The following AHCTF1 variants were observed in gnomAD, a reference collection of about 807,000 sequenced individuals.
The protein encoded by AHCTF1 is protein ELYS.
Under a neutral mutation model 248.4 loss-of-function variants are expected in AHCTF1, and 24 were observed. The observed-to-expected ratio is 0.10, with a 90% CI of 0.07 to 0.14. The LOEUF (loss-of-function observed/expected upper bound fraction) is 0.14, where lower values mean the gene tolerates loss of function less well. Ranked by LOEUF, AHCTF1 falls within the 10% of genes least tolerant of loss-of-function variation. The pLI is 1.00. For missense variants in AHCTF1, 2,206 were observed against 2,636.2 expected (o/e 0.84, Z 3.57); for synonymous variants, 786 against 929.8 (o/e 0.85, Z 2.81).
intron 25 of AHCTF1, 125 bp downstream of exon 25, chr1:246,867,534 TAA>T (rs1209941921): frequency 8.0e-7 from 1 of 1,255,136 alleles, no homozygotes; most frequent in African/African-American, 1.5e-5. Context: ...ATAGCCAACA[TAA>T]AGAGTTTTTC....
At chr1:246,853,903 G>A (rs1396937665) in intron 31 of AHCTF1, among the ~76,000 whole-genome samples, 7 of 152,120 alleles carry the variant, frequency 4.6e-5, no homozygotes, top group Non-Finnish European at 1.5e-5. Context: ...AATGAAAAAT[G>A]TTTTCCTGTT....
chr1:246,855,090 C>A (rs779324317), intron 31 of AHCTF1, among the ~76,000 whole-genome samples: 1 of 152,212 alleles, frequency 6.6e-6, no homozygotes, highest in Non-Finnish European at 1.5e-5. Flanking sequence ...AAAGGCATAA[C>A]AGTTGAGAGC....
At chr1:246,925,255 T>C (rs1257932299) in intron 1 of AHCTF1, among the ~76,000 whole-genome samples, 1 of 152,212 alleles carries the variant, frequency 6.6e-6, no homozygotes, top group South Asian at 2.1e-4. Context: ...CCATGATCCC[T>C]ATACTTCAAT....
At position 246,919,072 on chromosome 1, in the gene AHCTF1, C is replaced by T. The variant is rs750506512; in HGVS notation, c.-7-695G>A. ...AGATCAGATTCCCAGAATGACTACT[C>T]CCATTATAAACAACCAAAAATACTA... is the stretch of plus-strand genomic sequence containing the variant. On this transcript the variant is annotated intron_variant, in intron 1 of 35. Transcript: ENST00000648844. Among the ~76,000 whole-genome samples the T allele has an allele frequency of 9.2e-5, 14 of 152,256 alleles. 1 individual carries two copies. The South Asian group carries it at 1.5e-3, about 16-fold the overall frequency.
At chr1:246,895,640 T>G (rs1466282688) in intron 13 of AHCTF1, among the ~76,000 whole-genome samples, 195 bp downstream of exon 13, 1 of 152,160 alleles carries the variant, frequency 6.6e-6, no homozygotes, top group Non-Finnish European at 1.5e-5. Context: ...TGGTGCTGAC[T>G]GTACTAAAGG....
chr1:246,899,539 C>T, intron 10 of AHCTF1, 27 bp from the exon 11 acceptor site: 1 of 1,570,072 alleles, frequency 6.4e-7, no homozygotes, highest in Non-Finnish European at 8.7e-7. Flanking sequence ...AAAAATAATC[C>T]ACTTACATAT....
intron 17 of AHCTF1, among the ~76,000 whole-genome samples, chr1:246,889,640 T>G (rs1442785898): frequency 3.3e-5 from 5 of 152,162 alleles, no homozygotes; most frequent in Non-Finnish European, 7.4e-5. Flanking sequence ...GTAAGAAACC[T>G]GGAATCAACG....
Position 246,867,895 on chromosome 1 carries a change from C to G in AHCTF1, c.3089-84G>C, listed in dbSNP as rs561181213. 76 of 554,680 alleles carry G rather than the reference C, an allele frequency of 1.4e-4. 6 individuals carry two copies. In the East Asian group the frequency reaches 2.1e-3, roughly 15 times the overall value. The allele number at this position is 554,680 out of a possible 1,614,324, so 34.4% of individuals were successfully genotyped here. The stretch of plus-strand genomic sequence containing the variant: ...AGCATATGAAAGAATGATTACACCC[C>G]CCCCCCCACACACACACACACACAC... On this transcript the variant is annotated intron_variant, in intron 24 of 35. Transcript: ENST00000648844.
At chr1:246,894,872 C>T in intron 13 of AHCTF1, 124 bp from the exon 14 acceptor site, 1 of 747,884 alleles carries the variant, frequency 1.3e-6, no homozygotes, top group South Asian at 1.7e-5. Context: ...TTCAGGGAGG[C>T]AACTTGGGAA....
chr1:246,898,798 A>C (rs1166334454), intron 11 of AHCTF1, among the ~76,000 whole-genome samples: 1 of 152,182 alleles, frequency 6.6e-6, no homozygotes, highest in Non-Finnish European at 1.5e-5. Flanking sequence ...CTAGAAAAGC[A>C]TTTTTCAGGC....
chr1:246,869,095 T>A (rs6691158), intron 24 of AHCTF1, among the ~76,000 whole-genome samples: 47 of 151,348 alleles, frequency 3.1e-4, no homozygotes, highest in Non-Finnish European at 5.0e-4. Context: ...CCGCCCGCCT[T>A]GGCCTCCCAA....
chr1:246,917,507 A>T (rs760977040), intron 2 of AHCTF1, among the ~76,000 whole-genome samples: 1 of 152,222 alleles, frequency 6.6e-6, no homozygotes, highest in Non-Finnish European at 1.5e-5. Context: ...GGGATCAAAT[A>T]AATGATTTCA....
chr1:246,903,662 C>G lies in AHCTF1; in HGVS notation c.966+287G>C, dbSNP rs937397349. ...GGCCAAGATGGTGAGACCCCCCCCC[C>G]TCCGTCTCTGCTAAATATACAAAAA... On this transcript the variant is annotated intron_variant, in intron 7 of 35. Coordinates refer to ENST00000648844, the MANE Select transcript of AHCTF1 (RefSeq NM_001323342.2). Among the ~76,000 whole-genome samples the G allele has an allele frequency of 3.5e-4, 46 of 131,670 alleles. 2 individuals are homozygous for G. The highest frequency in any genetic ancestry group is 1.5e-3 in the African/African-American group (45 of 30,882). The allele number at this position is 131,670 out of a possible 152,430, so 86.4% of individuals were successfully genotyped here. A position where few individuals can be genotyped will look rare whatever the true frequency, so the allele number is the denominator to read the frequency against.
chr1:246,929,075 C>A lies in AHCTF1; in HGVS notation c.-8+2503G>T, dbSNP rs533956185. On this transcript the variant is annotated intron_variant, in intron 1 of 35. Coordinates refer to ENST00000648844, the MANE Select transcript of AHCTF1 (RefSeq NM_001323342.2). ...TGCTACTACAATAGAGGTACATATG[C>A]TGTGAGATCCCAGTAAAAAAGTGGG... Among the ~76,000 whole-genome samples the A allele has an allele frequency of 8.5e-5, 13 of 152,146 alleles. 1 individual carries two copies. In the South Asian group the frequency reaches 2.7e-3, roughly 32 times the overall value.
chr1:246,916,126 C>G lies in AHCTF1; in HGVS notation c.375+16G>C. The G allele has an allele frequency of 1.2e-6, 2 of 1,610,152 alleles. No individual in the cohort carries two copies. The highest frequency in any genetic ancestry group is 1.7e-6 in the Non-Finnish European group (2 of 1,177,768). ...TTTTGAAAGAGAAATGTCCAGGTAT[C>G]TTAAACAGTACCTACCCTTCCAGGA... On this transcript the variant is annotated intron_variant, in intron 3 of 35. Coordinates refer to ENST00000648844, the MANE Select transcript of AHCTF1 (RefSeq NM_001323342.2).
chr1:246,841,158 T>C (rs1438476544), intron 35 of AHCTF1, among the ~76,000 whole-genome samples, 160 bp from the exon 36 acceptor site: 2 of 152,238 alleles, frequency 1.3e-5, no homozygotes, highest in East Asian at 1.9e-4. Context: ...CTTTAAGTCA[T>C]ATAAGCTAAT....
intron 1 of AHCTF1, among the ~76,000 whole-genome samples, chr1:246,928,318 A>AAT (rs1667098706): frequency 6.6e-6 from 1 of 151,936 alleles, no homozygotes. Context: ...AAAAAAAAAA[A>AAT]AAAAATTACT....
chr1:246,851,303 G>C lies in AHCTF1; in HGVS notation c.4703C>G (p.Ala1568Gly). ...DTIDQQFCDL[A>G]DNKDTAECDI... ...ACATTCAGCAGTGTCTTTGTTATCA[G>C]CTAAGTCACAAAACTGTTGGTCAAT... Residue 1568 changes from alanine (A) to glycine (G), a missense_variant, in exon 33 of 36, where the codon GCT becomes GGT. Transcript: ENST00000648844. 6.2e-7 allele frequency: 1 copy of C among 1,614,036 alleles called. No homozygotes were observed. Among genetic ancestry groups the C allele is most frequent in the Non-Finnish European group, 8.5e-7 (1 of 1,179,954 alleles).
chr1:246,844,805 CTTT>C (rs11370838), intron 33 of AHCTF1, among the ~76,000 whole-genome samples: 7 of 141,924 alleles, frequency 4.9e-5, no homozygotes, highest in South Asian at 2.2e-4. Flanking sequence ...ACCACACAGA[CTTT>C]TTTTTTTTTT....
Sources: gnomAD v4.1 joint callset for allele counts (sites outside exome capture counted in the v4.1 genomes callset) on GRCh38, gnomAD v4.1.1 for gene constraint, MANE v1.5 for transcripts, NCBI Gene and HGNC (gene_info 2026-07-23, HGNC 2026-07-21) for gene names.